Variants in ZEB1 observed in about 807,000 individuals in gnomAD.
ZEB1 encodes zinc finger E-box binding homeobox 1.
ZEB1 carries 21 observed loss-of-function variants against 84.9 expected under a neutral mutation model. The ratio of observed to expected loss-of-function variants is 0.25; its 90% confidence interval spans 0.18 to 0.36. The LOEUF (loss-of-function observed/expected upper bound fraction) is 0.36. Ranked by LOEUF, ZEB1 falls within the 10% of genes least tolerant of loss-of-function variation. ZEB1 has a pLI of 1.00. For missense variants in ZEB1, 1,104 were observed against 1,330.2 expected (o/e 0.83, Z 2.65); for synonymous variants, 420 against 471.1 (o/e 0.89, Z 1.41).
chr10:31,450,730 C>T (rs1280279917), intron 1 of ZEB1, among the ~76,000 whole-genome samples: 1 of 151,824 alleles, frequency 6.6e-6, no homozygotes, highest in African/African-American at 2.4e-5. Flanking sequence ...TTTTCAAATG[C>T]CTTTCTGTAT....
chr10:31,437,875 C>T (rs1277184739), intron 1 of ZEB1, among the ~76,000 whole-genome samples: 4 of 152,148 alleles, frequency 2.6e-5, no homozygotes. Flanking sequence ...TTGTCCTCTT[C>T]CTTCATCTTA....
At chr10:31,513,353 A>G (rs962168932) in intron 5 of ZEB1, among the ~76,000 whole-genome samples, 3 of 152,212 alleles carry the variant, frequency 2.0e-5, no homozygotes, top group Non-Finnish European at 4.4e-5. Flanking sequence ...AGGAAATACT[A>G]AAGACGGAGC....
chr10:31,521,402 A>T lies in ZEB1; in HGVS notation c.2070A>T (p.Leu690Phe), dbSNP rs1470992136. ...SPLKMTNSPV[L>F]PVGSTTNGSR... ...TGAAGATGACTAACTCCCCAGTTTTACCAGTGGGATCAACCACCAATGGTT... is the reference window on the plus strand; with the variant it reads ...TGAAGATGACTAACTCCCCAGTTTTTCCAGTGGGATCAACCACCAATGGTT... Residue 690 changes from leucine (L) to phenylalanine (F), a missense_variant, in exon 7 of 9, where the codon TTA (leucine) becomes TTT (phenylalanine). Leu to Phe is a conservative substitution (Grantham distance 22). Around this residue, in one of 7 missense-constraint regions of ZEB1, gnomAD observed 531 missense variants for 575.2 expected, o/e 0.92. Transcript: ENST00000424869. The T allele has an allele frequency of 6.2e-7, 1 of 1,614,116 alleles. No homozygotes were observed. The highest frequency in any genetic ancestry group is 1.1e-5 in the South Asian group (1 of 91,080).
chr10:31,493,640 G>T (rs546841112), intron 2 of ZEB1, among the ~76,000 whole-genome samples: 2 of 152,084 alleles, frequency 1.3e-5, no homozygotes, highest in South Asian at 4.1e-4. Flanking sequence ...AGCACAGCCT[G>T]TTTGCAGACA....
At chr10:31,442,398 G>A (rs1253423896) in intron 1 of ZEB1, among the ~76,000 whole-genome samples, 1 of 151,996 alleles carries the variant, frequency 6.6e-6, no homozygotes, top group East Asian at 1.9e-4. Context: ...TCACACACCG[G>A]GGTCTGTCGT....
intron 1 of ZEB1, among the ~76,000 whole-genome samples, chr10:31,345,504 C>A (rs541737738): frequency 1.2e-3 from 177 of 152,148 alleles, no homozygotes; most frequent in African/African-American, 4.1e-3. Flanking sequence ...AACTACTTCC[C>A]AGAAGCCTTG....
chr10:31,346,347 G>T (rs561663947), intron 1 of ZEB1, among the ~76,000 whole-genome samples: 1 of 152,236 alleles, frequency 6.6e-6, no homozygotes, highest in East Asian at 1.9e-4. Context: ...ACAGAAACTA[G>T]TAAAAGAATA....
intron 1 of ZEB1, among the ~76,000 whole-genome samples, chr10:31,404,887 C>G (rs753324087): frequency 9.2e-5 from 14 of 152,048 alleles, no homozygotes; most frequent in Non-Finnish European, 1.6e-4. Context: ...GAACCAAAGT[C>G]AAGGTCACAG....
intron 2 of ZEB1, among the ~76,000 whole-genome samples, chr10:31,474,589 A>C (rs1217766255): frequency 1.3e-5 from 2 of 152,190 alleles, no homozygotes; most frequent in Non-Finnish European, 2.9e-5. Flanking sequence ...GTGGAGAAAT[A>C]GGAACACTTT....
At chr10:31,389,575 T>TA (rs1217557045) in intron 1 of ZEB1, 1 of 152,086 alleles carries the variant, frequency 6.6e-6, no homozygotes, top group African/African-American at 2.4e-5. Flanking sequence ...GAAGCAGTCT[T>TA]ATGTGTTTAC....
chr10:31,319,174 G>GGGGGAA, upstream of ZEB1: 3 of 1,144,458 alleles, frequency 2.6e-6, no homozygotes, highest in East Asian at 1.3e-4. Context: ...GGAGGGGTGG[G>GGGGGAA]GGGGAAGGGG....
chr10:31,499,934 G>A (rs541164441), intron 3 of ZEB1, among the ~76,000 whole-genome samples: 7 of 152,086 alleles, frequency 4.6e-5, no homozygotes, highest in Admixed American at 3.3e-4. Context: ...CCTAATCAAT[G>A]TATAGGAAAG....
chr10:31,497,814 TC>T (rs1013031505), intron 3 of ZEB1, among the ~76,000 whole-genome samples: 66 of 152,076 alleles, frequency 4.3e-4, no homozygotes, highest in Non-Finnish European at 7.9e-4. Flanking sequence ...CATCCTTTGT[TC>T]CTTCTGAGCG....
chr10:31,370,925 C>T (rs1304309162), intron 1 of ZEB1, among the ~76,000 whole-genome samples: 4 of 151,988 alleles, frequency 2.6e-5, no homozygotes, highest in African/African-American at 7.3e-5. Flanking sequence ...TGCTTTGTTG[C>T]CAAGGCTGGT....
intron 1 of ZEB1, among the ~76,000 whole-genome samples, chr10:31,393,196 G>A (rs1252417305): frequency 6.6e-6 from 1 of 152,098 alleles, no homozygotes; most frequent in African/African-American, 2.4e-5. Flanking sequence ...AAAATTTATA[G>A]TATAAAGCTC....
intron 1 of ZEB1, among the ~76,000 whole-genome samples, chr10:31,361,836 G>A (rs535040694): frequency 1.1e-3 from 171 of 149,302 alleles, no homozygotes; most frequent in Non-Finnish European, 2.1e-3. Context: ...TTTCCCAGAC[G>A]GTGAGGAGGC....
At chr10:31,492,134 A>G (rs1237527692) in intron 2 of ZEB1, among the ~76,000 whole-genome samples, 1 of 151,860 alleles carries the variant, frequency 6.6e-6, no homozygotes, top group East Asian at 1.9e-4. Context: ...GGACTGGGTA[A>G]CGGCTTTCTA....
chr10:31,346,587 A>C lies in ZEB1; in HGVS notation c.58+27295A>C, dbSNP rs566537680. On this transcript the variant is annotated intron_variant, in intron 1 of 8. Transcript: ENST00000424869. ...AGTTTTTTTTTTCTTTTTGAGATAG[A>C]TAAAGCCATCTAATGTCCTTTTCTA... Among the ~76,000 whole-genome samples, 19 of 152,112 alleles carry C rather than the reference A, an allele frequency of 1.2e-4. No homozygotes were observed. The South Asian group carries it at 2.7e-3, about 22-fold the overall frequency.
At chr10:31,482,252 C>G (rs755548440) in intron 2 of ZEB1, among the ~76,000 whole-genome samples, 1 of 151,984 alleles carries the variant, frequency 6.6e-6, no homozygotes. Context: ...TCACCTCAAT[C>G]TAATAATTAG....
Sources: gnomAD v4.1 joint callset for allele counts (sites outside exome capture counted in the v4.1 genomes callset) on GRCh38, gnomAD v4.1.1 for gene constraint, gnomAD v4.1.1 regional missense constraint, MANE v1.5 for transcripts, NCBI Gene and HGNC (gene_info 2026-07-23, HGNC 2026-07-21) for gene names.